L3MBTL4: variants seen among roughly 807,000 people sequenced by gnomAD.
L3MBTL4 encodes L3MBTL histone methyl-lysine binding protein 4.
L3MBTL4 carries 70 observed loss-of-function variants against 84.5 expected under a neutral mutation model. The observed-to-expected ratio is 0.83, with a 90% CI of 0.68 to 1.01. The LOEUF is 1.01. L3MBTL4 is among the 50% of genes least tolerant of loss of function. The pLI is 0.00. For missense variants in L3MBTL4, 715 were observed against 754.8 expected (o/e 0.95, Z 0.62); for synonymous variants, 274 against 259.8 (o/e 1.05, Z -0.52).
intron 16 of L3MBTL4, among the ~76,000 whole-genome samples, chr18:6,036,147 A>G (rs1271380298): frequency 2.0e-5 from 3 of 152,130 alleles, no homozygotes; most frequent in African/African-American, 7.2e-5. Flanking sequence ...AAGTACGATT[A>G]GTGTTTCGGT....
chr18:6,331,831 A>T (rs928678096), intron 1 of L3MBTL4, among the ~76,000 whole-genome samples: 1 of 152,112 alleles, frequency 6.6e-6, no homozygotes, highest in Non-Finnish European at 1.5e-5. Context: ...ATTGGAGACA[A>T]TCACCCAAAA....
intron 10 of L3MBTL4, among the ~76,000 whole-genome samples, chr18:6,226,499 T>C (rs2046789886): frequency 6.6e-6 from 1 of 152,170 alleles, no homozygotes; most frequent in Non-Finnish European, 1.5e-5. Context: ...ATATAGAACA[T>C]ATAGAAGGTA....
At chr18:6,032,996 C>T (rs1237689802) in intron 16 of L3MBTL4, among the ~76,000 whole-genome samples, 1 of 152,192 alleles carries the variant, frequency 6.6e-6, no homozygotes, top group East Asian at 1.9e-4. Context: ...GACTGTATGC[C>T]GCTGTTGGGT....
At position 6,244,598 on chromosome 18, in the gene L3MBTL4, T is replaced by G; in HGVS notation, c.220-10A>C. 1 of 1,579,242 alleles carries G rather than the reference T, an allele frequency of 6.3e-7. No homozygotes were observed. Among genetic ancestry groups the G allele is most frequent in the Non-Finnish European group, 8.7e-7 (1 of 1,148,696 alleles). Reference sequence around the variant, plus strand: ...CTGGAAAGGACTGATCCTACAAAATTTCACGACATAACATTAGCCACTGAG... The same window carrying G: ...CTGGAAAGGACTGATCCTACAAAATGTCACGACATAACATTAGCCACTGAG... On this transcript the variant is annotated splice_polypyrimidine_tract_variant and intron_variant, in intron 5 of 18. Coordinates refer to ENST00000317931, the MANE Select transcript of L3MBTL4 (RefSeq NM_001330559.2).
chr18:6,251,870 G>A (rs761377640), intron 5 of L3MBTL4, among the ~76,000 whole-genome samples: 4 of 152,190 alleles, frequency 2.6e-5, no homozygotes, highest in African/African-American at 4.8e-5. Flanking sequence ...ACTGCACACT[G>A]CAGAGCAAAG....
intron 14 of L3MBTL4, among the ~76,000 whole-genome samples, chr18:6,108,727 G>C (rs1450171857): frequency 6.6e-6 from 1 of 151,886 alleles, no homozygotes; most frequent in South Asian, 2.1e-4. Flanking sequence ...TGCTTTTTGG[G>C]GTACATGTGG....
intron 16 of L3MBTL4, among the ~76,000 whole-genome samples, chr18:6,035,369 C>T (rs563069875): frequency 1.2e-4 from 18 of 152,256 alleles, no homozygotes; most frequent in African/African-American, 4.3e-4. Context: ...GTACATATGG[C>T]TAGCCAGTTT....
Position 6,310,711 on chromosome 18 carries a change from G to A in L3MBTL4, c.72+843C>T, listed in dbSNP as rs530213780. Among the ~76,000 whole-genome samples the A allele has an allele frequency of 5.4e-4, 82 of 152,260 alleles. No homozygotes were observed. In the Middle Eastern group the frequency reaches 0.017, roughly 32 times the overall value. Reference sequence around the variant, plus strand: ...ACCATCCCCAAAAATAATCACCATGGAGGTCTTCTGGTCATTCTGCTAACT... The same window carrying A: ...ACCATCCCCAAAAATAATCACCATGAAGGTCTTCTGGTCATTCTGCTAACT... On this transcript the variant is annotated intron_variant, in intron 3 of 18. Transcript: ENST00000317931.
At chr18:6,000,712 A>C (rs2054173594) in intron 16 of L3MBTL4, among the ~76,000 whole-genome samples, 1 of 152,236 alleles carries the variant, frequency 6.6e-6, no homozygotes, top group Non-Finnish European at 1.5e-5. Context: ...CATGTGCCAC[A>C]TTCAGTGAAT....
chr18:6,295,346 C>CTCTATATATATATATATATATATA (rs1261475809), intron 4 of L3MBTL4, among the ~76,000 whole-genome samples: 1 of 81,384 alleles, frequency 1.2e-5, no homozygotes, highest in African/African-American at 6.6e-5. Flanking sequence ...CTCTCTCTCT[C>CTCTATATATATATATATATATATA]TATATATATA....
chr18:6,407,373 C>T (rs1427064989), intron 1 of L3MBTL4, among the ~76,000 whole-genome samples: 1 of 151,894 alleles, frequency 6.6e-6, no homozygotes, highest in African/African-American at 2.4e-5. Flanking sequence ...ATCACAGCAA[C>T]CTATAGTTTT....
intron 16 of L3MBTL4, among the ~76,000 whole-genome samples, chr18:6,070,680 A>T (rs1161303280): frequency 3.9e-5 from 6 of 152,004 alleles, no homozygotes; most frequent in Middle Eastern, 3.2e-3. Context: ...AAAACAAAAA[A>T]AACAAAAATT....
At chr18:6,047,891 G>T (rs908541018) in intron 16 of L3MBTL4, among the ~76,000 whole-genome samples, 14 of 152,188 alleles carry the variant, frequency 9.2e-5, no homozygotes, top group Non-Finnish European at 1.6e-4. Flanking sequence ...CATAGTACTG[G>T]AAGTCCTAGC....
chr18:6,326,889 A>C (rs1358714332), intron 1 of L3MBTL4, among the ~76,000 whole-genome samples: 2 of 152,208 alleles, frequency 1.3e-5, no homozygotes, highest in Non-Finnish European at 2.9e-5. Flanking sequence ...TATGTTCATT[A>C]ATTTGTCTAC....
intron 12 of L3MBTL4, among the ~76,000 whole-genome samples, chr18:6,201,645 G>A (rs1055030134): frequency 6.6e-6 from 1 of 152,054 alleles, no homozygotes; most frequent in Non-Finnish European, 1.5e-5. Context: ...ATGAAGTAAG[G>A]GATTACAGAG....
chr18:6,091,823 A>G (rs1399710979), intron 15 of L3MBTL4, among the ~76,000 whole-genome samples: 2 of 152,214 alleles, frequency 1.3e-5, no homozygotes, highest in Non-Finnish European at 2.9e-5. Flanking sequence ...CTAGGTTTTT[A>G]TTTGAAAAAA....
At chr18:6,298,236 A>G (rs575992000) in intron 4 of L3MBTL4, among the ~76,000 whole-genome samples, 3 of 152,332 alleles carry the variant, frequency 2.0e-5, no homozygotes, top group African/African-American at 7.2e-5. Context: ...GTTAAAAAAT[A>G]TCATCACTAC....
chr18:6,124,104 A>G (rs918985761), intron 14 of L3MBTL4, among the ~76,000 whole-genome samples: 1 of 152,196 alleles, frequency 6.6e-6, no homozygotes, highest in African/African-American at 2.4e-5. Flanking sequence ...CAGTGGAGGG[A>G]TGAGAGATCA....
chr18:6,196,077 T>G (rs1408914217), intron 12 of L3MBTL4, among the ~76,000 whole-genome samples: 1 of 151,156 alleles, frequency 6.6e-6, no homozygotes, highest in African/African-American at 2.4e-5. Context: ...GGAGAACATC[T>G]ACATCACCAA....
Sources: allele counts gnomAD v4.1 joint callset (sites outside exome capture counted in the v4.1 genomes callset), GRCh38; gene constraint gnomAD v4.1.1; transcripts MANE v1.5; gene names NCBI Gene and HGNC (gene_info 2026-07-23, HGNC 2026-07-21).